The following IGF2BP3 variants were observed in gnomAD, a reference collection of about 807,000 sequenced individuals.
IGF2BP3 encodes the protein insulin-like growth factor 2 mRNA-binding protein 3.
Under a neutral mutation model 73.8 loss-of-function variants are expected in IGF2BP3, and 9 were observed. The ratio of observed to expected loss-of-function variants is 0.12; its 90% CI spans 0.07 to 0.21. The LOEUF is 0.21. Ranked by LOEUF, IGF2BP3 falls within the 10% of genes least tolerant of loss-of-function variation. The probability of loss-of-function intolerance (pLI) is 1.00; values close to 1 mark genes in which losing one functional copy is unlikely to be tolerated. For missense variants in IGF2BP3, 542 were observed against 714.0 expected, an observed-to-expected ratio of 0.76 and a Z score of 2.75; for synonymous variants, 258 against 256.7, an observed-to-expected ratio of 1.01 and a Z score of -0.05.
chr7:23,417,518 A>C (rs1418012076), intron 3 of IGF2BP3, among the ~76,000 whole-genome samples: 1 of 152,254 alleles, frequency 6.6e-6, no homozygotes, highest in Admixed American at 6.5e-5. Context: ...AATTAAAAGG[A>C]AACTCTGCCC....
In IGF2BP3 at chr7:23,351,440, C is replaced by A. The variant is rs1303963475; in HGVS notation, c.548G>T (p.Gly183Val). The change falls in exon 6 of 15, where the codon GGG becomes GTG. Residue 183 changes from glycine to valine, a missense_variant. Around this residue, in one of 2 missense-constraint regions of IGF2BP3, gnomAD observed 239 missense variants for 241.9 expected, o/e 0.99. Coordinates refer to ENST00000258729, the MANE Select transcript of IGF2BP3 (RefSeq NM_006547.3). ...GLGQRGSSRQ[G>V]SPGSVSKQKP... Reference sequence around the variant, plus strand: ...CTGCTTGGATACGGATCCTGGAGACCCCTGCCTTGAGGAGCCCCTCTGCCC... The same window carrying A: ...CTGCTTGGATACGGATCCTGGAGACACCTGCCTTGAGGAGCCCCTCTGCCC... 1 of 1,613,490 alleles carries A rather than the reference C, an allele frequency of 6.2e-7. No individual in the cohort carries two copies. Among genetic ancestry groups the A allele is most frequent in the Non-Finnish European group, 8.5e-7 (1 of 1,179,780 alleles).
chr7:23,317,162 T>C (rs1360161342), intron 12 of IGF2BP3, among the ~76,000 whole-genome samples: 1 of 152,120 alleles, frequency 6.6e-6, no homozygotes, highest in Non-Finnish European at 1.5e-5. Flanking sequence ...CCAGAACAAA[T>C]GCTACAAGAG....
intron 3 of IGF2BP3, among the ~76,000 whole-genome samples, chr7:23,395,724 G>A (rs372766079): frequency 6.6e-6 from 1 of 152,056 alleles, no homozygotes; most frequent in Non-Finnish European, 1.5e-5. Flanking sequence ...TCAGGAGTTC[G>A]TGACCAGCCT....
intron 2 of IGF2BP3, among the ~76,000 whole-genome samples, chr7:23,455,553 A>T (rs2128549791): frequency 6.6e-6 from 1 of 152,284 alleles, no homozygotes; most frequent in Non-Finnish European, 1.5e-5. Flanking sequence ...ACTTGGAGAG[A>T]TTTTAACCCA....
intron 2 of IGF2BP3, among the ~76,000 whole-genome samples, chr7:23,437,221 C>A (rs1787827170): frequency 6.6e-6 from 1 of 152,028 alleles, no homozygotes; most frequent in Non-Finnish European, 1.5e-5. Flanking sequence ...GTGGCTCATG[C>A]CTGTAATCTC....
At chr7:23,358,551 G>A (rs911061918) in intron 5 of IGF2BP3, among the ~76,000 whole-genome samples, 1 of 152,176 alleles carries the variant, frequency 6.6e-6, no homozygotes, top group African/African-American at 2.4e-5. Flanking sequence ...ATGCATATAT[G>A]CACAAATATT....
Position 23,448,144 on chromosome 7 carries a change from G to A in IGF2BP3, c.236+20338C>T, listed in dbSNP as rs886740088. Among the ~76,000 whole-genome samples, 32 of 152,322 alleles carry A rather than the reference G, an allele frequency of 2.1e-4. 1 individual carries two copies. The highest frequency in any genetic ancestry group is 3.4e-3 in the Middle Eastern group (1 of 294). On this transcript the variant is annotated intron_variant, in intron 2 of 14. Coordinates refer to ENST00000258729, the MANE Select transcript of IGF2BP3 (RefSeq NM_006547.3). ...TAAAAATACAGTGAGTGACCACAAG[G>A]TTCCAGCCTCAAAATGTAAACTGTC...
chr7:23,408,363 G>A (rs1165497821), intron 3 of IGF2BP3, among the ~76,000 whole-genome samples: 1 of 152,036 alleles, frequency 6.6e-6, no homozygotes, highest in Non-Finnish European at 1.5e-5. Context: ...TTCAGAACTA[G>A]TAAGTTTAGC....
chr7:23,360,706 G>A (rs1785203405), intron 5 of IGF2BP3, among the ~76,000 whole-genome samples: 1 of 152,112 alleles, frequency 6.6e-6, no homozygotes, highest in Non-Finnish European at 1.5e-5. Flanking sequence ...TTCCCCTTCA[G>A]GGCTCAGAGT....
intron 3 of IGF2BP3, among the ~76,000 whole-genome samples, chr7:23,395,310 A>G (rs961906350): frequency 2.0e-5 from 3 of 152,180 alleles, no homozygotes; most frequent in African/African-American, 7.2e-5. Flanking sequence ...AAACACCCGC[A>G]ATATACTTTC....
intron 10 of IGF2BP3, among the ~76,000 whole-genome samples, chr7:23,335,238 GA>G (rs1210908486): frequency 6.6e-6 from 1 of 151,822 alleles, no homozygotes; most frequent in Non-Finnish European, 1.5e-5. Flanking sequence ...GGAAGACTAA[GA>G]GACTCCCTGA....
chr7:23,392,527 TAC>T (rs368379331), intron 3 of IGF2BP3, among the ~76,000 whole-genome samples: 17 of 149,070 alleles, frequency 1.1e-4, no homozygotes, highest in East Asian at 5.9e-4. Flanking sequence ...CACACACACA[TAC>T]ACACACACAC....
chr7:23,377,986 T>TA (rs758347948), intron 3 of IGF2BP3, among the ~76,000 whole-genome samples: 1 of 152,180 alleles, frequency 6.6e-6, no homozygotes, highest in Non-Finnish European at 1.5e-5. Context: ...TTAATGGCTA[T>TA]AGGGTTACTT....
At chr7:23,458,810 CA>C (rs1562764205) in intron 2 of IGF2BP3, among the ~76,000 whole-genome samples, 1 of 152,192 alleles carries the variant, frequency 6.6e-6, no homozygotes, top group South Asian at 2.1e-4. Context: ...ATCAACCCTT[CA>C]AAAAAGCCAA....
At chr7:23,358,121 C>A (rs1785141697) in intron 5 of IGF2BP3, among the ~76,000 whole-genome samples, 1 of 152,202 alleles carries the variant, frequency 6.6e-6, no homozygotes, top group Non-Finnish European at 1.5e-5. Flanking sequence ...GCCTCATTAG[C>A]TAAAGACTAC....
At chr7:23,315,682 A>G (rs559899310) in intron 12 of IGF2BP3, among the ~76,000 whole-genome samples, 3 of 152,348 alleles carry the variant, frequency 2.0e-5, no homozygotes, top group East Asian at 3.9e-4. Context: ...CCTCAGGCCA[A>G]TGACGTAGAT....
At chr7:23,420,798 G>A (rs993542546) in intron 2 of IGF2BP3, among the ~76,000 whole-genome samples, 1 of 152,136 alleles carries the variant, frequency 6.6e-6, no homozygotes, top group Admixed American at 6.5e-5. Context: ...TTATTTTCAT[G>A]ACAAAGTAAA....
At chr7:23,327,438 G>A (rs1222191374) in intron 10 of IGF2BP3, among the ~76,000 whole-genome samples, 2 of 151,724 alleles carry the variant, frequency 1.3e-5, no homozygotes. Context: ...CCACCATCAC[G>A]CCCGGCTAAT....
chr7:23,447,453 G>T (rs539183112), intron 2 of IGF2BP3, among the ~76,000 whole-genome samples: 1 of 151,296 alleles, frequency 6.6e-6, no homozygotes, highest in Non-Finnish European at 1.5e-5. Context: ...GTAAAATCCC[G>T]TCTCTACTAA....
Sources: allele counts gnomAD v4.1 joint callset (sites outside exome capture counted in the v4.1 genomes callset), GRCh38; gene constraint gnomAD v4.1.1; regional missense constraint gnomAD v4.1.1; transcripts MANE v1.5; gene names NCBI Gene and HGNC (gene_info 2026-07-23, HGNC 2026-07-21).